The following PTPN1 variants were observed in gnomAD, a reference collection of about 807,000 sequenced individuals.
PTPN1 encodes the protein tyrosine-protein phosphatase non-receptor type 1.
In PTPN1, 12 loss-of-function variants were observed where a neutral mutation model predicts 59.9. The observed-to-expected ratio is 0.20, with a 90% CI of 0.13 to 0.32. The LOEUF is 0.32. PTPN1 is among the 10% of genes least tolerant of loss of function. PTPN1 has a pLI of 1.00. For missense variants in PTPN1, 356 were observed against 549.2 expected (o/e 0.65, Z 3.52); for synonymous variants, 178 against 203.6 (o/e 0.87, Z 1.07).
In PTPN1 at chr20:50,557,382, C is replaced by T. The variant is rs996901439; in HGVS notation, c.64-3981C>T. ...GGTAGCTGAGACTACGCTACAGGCA[C>T]ATACCACCATGCCCAGCTCAAAATG... On this transcript the variant is annotated intron_variant, in intron 1 of 9. Transcript: ENST00000371621. Among the ~76,000 whole-genome samples the T allele has an allele frequency of 1.2e-4, 18 of 152,140 alleles. 1 individual carries two copies. Among genetic ancestry groups the T allele is most frequent in the Admixed American group, 7.9e-4 (12 of 15,278 alleles).
intron 1 of PTPN1, among the ~76,000 whole-genome samples, chr20:50,530,175 ATTT>A (rs781236833): frequency 5.0e-5 from 6 of 121,074 alleles, no homozygotes; most frequent in Non-Finnish European, 5.2e-5. Context: ...TGCCTGGCTG[ATTT>A]TTTTTTTTTT....
chr20:50,529,948 C>T (rs1322854453), intron 1 of PTPN1, among the ~76,000 whole-genome samples: 1 of 152,156 alleles, frequency 6.6e-6, no homozygotes, highest in Non-Finnish European at 1.5e-5. Context: ...AATCTCGGCT[C>T]AGTGCAACCT....
At chr20:50,561,840 G>C (rs1200569424) in intron 2 of PTPN1, among the ~76,000 whole-genome samples, 2 of 152,186 alleles carry the variant, frequency 1.3e-5, no homozygotes, top group African/African-American at 4.8e-5. Flanking sequence ...GCCCCGCACA[G>C]GCATTCGGGG....
intron 1 of PTPN1, among the ~76,000 whole-genome samples, chr20:50,547,457 G>C (rs560840161): frequency 6.6e-6 from 1 of 151,752 alleles, no homozygotes; most frequent in Admixed American, 6.6e-5. Context: ...TCTGCCTCCC[G>C]GGTTCAAGCG....
chr20:50,564,148 A>C (rs2082767748), intron 2 of PTPN1, among the ~76,000 whole-genome samples: 1 of 152,158 alleles, frequency 6.6e-6, no homozygotes. Flanking sequence ...TTAATCTTCA[A>C]ACCACTGGAT....
Position 50,578,440 on chromosome 20 carries a change from C to T in PTPN1, c.513C>T (p.Ile171=). Residue 171 remains isoleucine (I), a synonymous_variant, in exon 6 of 10, where the codon ATC becomes ATT. Coordinates refer to ENST00000371621, the MANE Select transcript of PTPN1 (RefSeq NM_002827.4). ...ENLTTQETRE[I]LHFHYTTWPD... is the part of the protein sequence containing the mutation. ...TTCAGACCCAAGAAACTCGAGAGAT[C>T]TTACATTTCCACTATACCACATGGC... 1.2e-6 allele frequency: 2 copies of T among 1,614,022 alleles called. No individual in the cohort carries two copies. Among genetic ancestry groups the T allele is most frequent in the Non-Finnish European group, 8.5e-7 (1 of 1,179,864 alleles).
intron 1 of PTPN1, among the ~76,000 whole-genome samples, chr20:50,547,568 T>C (rs1601400860): frequency 6.6e-6 from 1 of 152,276 alleles, no homozygotes; most frequent in East Asian, 1.9e-4. Context: ...TTCACTATGC[T>C]GGTCAGGCTG....
At chr20:50,526,605 C>T (rs1427212313) in intron 1 of PTPN1, among the ~76,000 whole-genome samples, 1 of 152,182 alleles carries the variant, frequency 6.6e-6, no homozygotes, top group Non-Finnish European at 1.5e-5. Context: ...CTTTGACCTA[C>T]TGTTAAGCTC....
chr20:50,510,738 TC>T, intron 1 of PTPN1, 148 bp downstream of exon 1: 2 of 867,166 alleles, frequency 2.3e-6, no homozygotes, highest in Non-Finnish European at 3.3e-6. Context: ...ACGCACTGCG[TC>T]CCCCCACCCT....
At position 50,582,897 on chromosome 20, in the gene PTPN1, C is replaced by G; in HGVS notation, c.*182C>G. 2.9e-6 allele frequency: 2 copies of G among 679,176 alleles called. No homozygotes were observed. The highest frequency in any genetic ancestry group is 5.0e-6 in the Non-Finnish European group (2 of 399,768). 42.1% of individuals were successfully genotyped at this position (679,176 alleles called of 1,614,324 possible). On this transcript the variant is annotated 3_prime_UTR_variant, in exon 10 of 10. Coordinates refer to ENST00000371621, the MANE Select transcript of PTPN1 (RefSeq NM_002827.4). The surrounding 1 kb of genome is among the most constrained non-coding windows in gnomAD (Gnocchi z 4.2). ...CCGGATGTGTGTCTCACCCCTCATC[C>G]TTTTACTTTTTGCCCCTTCCACTTT...
At chr20:50,539,026 CTTTTTTTTT>C (rs71190576) in intron 1 of PTPN1, among the ~76,000 whole-genome samples, 1 of 85,294 alleles carries the variant, frequency 1.2e-5, no homozygotes, top group African/African-American at 4.9e-5. Flanking sequence ...CTTCTCAATT[CTTTTTTTTT>C]TTTTTTTTTT....
At chr20:50,533,595 G>A (rs892694120) in intron 1 of PTPN1, among the ~76,000 whole-genome samples, 7 of 152,100 alleles carry the variant, frequency 4.6e-5, no homozygotes, top group Admixed American at 2.0e-4. Context: ...CAGCTGGCTC[G>A]TCGAGAGCTG....
rs947945058 is a variant in PTPN1, at chr20:50,568,543, C to A, written c.354+65C>A. 1.7e-5 allele frequency: 22 copies of A among 1,294,920 alleles called. No individual in the cohort carries two copies. Among genetic ancestry groups the A allele is most frequent in the Non-Finnish European group, 2.3e-5 (21 of 899,558 alleles). 80.2% of individuals were successfully genotyped at this position (1,294,920 alleles called of 1,614,324 possible). A position where few individuals can be genotyped will look rare whatever the true frequency, so the allele number is the denominator to read the frequency against. On this transcript the variant is annotated intron_variant, in intron 4 of 9. Transcript: ENST00000371621. This position sits in a 1 kb window ranked among gnomAD's most constrained non-coding sequence, Gnocchi z 5.6. Reference sequence around the variant, plus strand: ...TACCACTCCATATAGTTACCATTTTCGTCCAGATTTTTAAATTATTTTTCT... The same window carrying A: ...TACCACTCCATATAGTTACCATTTTAGTCCAGATTTTTAAATTATTTTTCT...
chr20:50,542,757 C>A (rs371835561), intron 1 of PTPN1, among the ~76,000 whole-genome samples: 23 of 152,256 alleles, frequency 1.5e-4, no homozygotes, highest in African/African-American at 5.1e-4. Context: ...AAAAGCTTCT[C>A]AAAATTGATC....
chr20:50,512,941 T>C (rs1329452804), intron 1 of PTPN1, among the ~76,000 whole-genome samples: 2 of 152,240 alleles, frequency 1.3e-5, no homozygotes, highest in Admixed American at 6.5e-5. Flanking sequence ...ACTTTGAGCT[T>C]GCCTAGCCTA....
At chr20:50,550,581 C>T (rs2082697896) in intron 1 of PTPN1, among the ~76,000 whole-genome samples, 1 of 152,210 alleles carries the variant, frequency 6.6e-6, no homozygotes, top group Admixed American at 6.5e-5. Flanking sequence ...CAGATATTTG[C>T]TTATACACAT....
intron 1 of PTPN1, among the ~76,000 whole-genome samples, chr20:50,559,030 A>ATTTTTTTTTTTTTTTTTTTTTTTTTTT (rs35277786): frequency 8.4e-6 from 1 of 119,464 alleles, no homozygotes. Flanking sequence ...ACGTCAGGGA[A>ATTTTTTTTTTTTTTTTTTTTTTTTTTT]TTTTTTTTTT....
chr20:50,530,043 A>G (rs1438651889), intron 1 of PTPN1, among the ~76,000 whole-genome samples: 1 of 151,130 alleles, frequency 6.6e-6, no homozygotes, highest in Non-Finnish European at 1.5e-5. Flanking sequence ...CCTGGCTAAT[A>G]TTTGTATTTT....
At chr20:50,522,342 A>C (rs2122725086) in intron 1 of PTPN1, among the ~76,000 whole-genome samples, 1 of 152,314 alleles carries the variant, frequency 6.6e-6, no homozygotes, top group South Asian at 2.1e-4. Flanking sequence ...GGGGCTGATA[A>C]AAGAATGAGG....
Sources: allele counts gnomAD v4.1 joint callset (sites outside exome capture counted in the v4.1 genomes callset), GRCh38; gene constraint gnomAD v4.1.1; non-coding constraint Gnocchi (gnomAD v3.1); transcripts MANE v1.5; gene names NCBI Gene and HGNC (gene_info 2026-07-23, HGNC 2026-07-21).